The following ATP8B4 variants were observed in gnomAD, a reference collection of about 807,000 sequenced individuals.
The protein encoded by ATP8B4 is probable phospholipid-transporting ATPase IM.
A neutral mutation model predicts 145.6 loss-of-function variants in ATP8B4; 133 were observed. The ratio of observed to expected loss-of-function variants is 0.91; its 90% confidence interval spans 0.79 to 1.05. The LOEUF (loss-of-function observed/expected upper bound fraction) is 1.05. ATP8B4 is among the 50% of genes least tolerant of loss of function. The pLI is 0.00. For synonymous variants in ATP8B4, 507 were observed against 492.9 expected (o/e 1.03, Z -0.38); for missense variants, 1,458 against 1,425.2 (o/e 1.02, Z -0.37).
At chr15:50,150,587 T>C (rs2044335366) in intron 1 of ATP8B4, among the ~76,000 whole-genome samples, 1 of 152,200 alleles carries the variant, frequency 6.6e-6, no homozygotes, top group African/African-American at 2.4e-5. Flanking sequence ...CTGGCCACAT[T>C]TGAGCAACAA....
chr15:50,111,035 G>A (rs1448365520), intron 1 of ATP8B4, among the ~76,000 whole-genome samples: 2 of 152,154 alleles, frequency 1.3e-5, no homozygotes, highest in African/African-American at 4.8e-5. Context: ...GTTGGTTTTA[G>A]ACACCTTGAT....
At chr15:50,169,378 A>G (rs569714074) in intron 1 of ATP8B4, among the ~76,000 whole-genome samples, 1 of 152,344 alleles carries the variant, frequency 6.6e-6, no homozygotes, top group African/African-American at 2.4e-5. Flanking sequence ...AACCACCAGT[A>G]CCAGCCCGGA....
rs150981883 is a variant in ATP8B4, at chr15:50,179,170, T to G, written c.-43+3091A>C. 1.1e-3 allele frequency among the ~76,000 whole-genome samples: 172 copies of G among 152,300 alleles called. 1 individual carries two copies. The highest frequency in any genetic ancestry group is 4.0e-3 in the African/African-American group (165 of 41,550). On this transcript the variant is annotated intron_variant, in intron 1 of 3. Transcript: ENST00000558829. ...TAAGTTTTGGTCCATTTTAAAATAT[T>G]TAATACCTAATAATGTTTGGTTCAT...
intron 20 of ATP8B4, among the ~76,000 whole-genome samples, chr15:49,910,656 G>C (rs975742448): frequency 2.6e-5 from 4 of 152,120 alleles, no homozygotes; most frequent in Non-Finnish European, 4.4e-5. Flanking sequence ...AGACTTATCA[G>C]TAAAAACCTT....
At chr15:49,957,455 C>T (rs1016129284) in intron 14 of ATP8B4, among the ~76,000 whole-genome samples, 1 of 151,670 alleles carries the variant, frequency 6.6e-6, no homozygotes, top group Non-Finnish European at 1.5e-5. Context: ...ATAACAGAAC[C>T]AAGACAAGAT....
chr15:50,121,230 T>G (rs1411671177), upstream of ATP8B4, among the ~76,000 whole-genome samples: 2 of 152,136 alleles, frequency 1.3e-5, no homozygotes, highest in Non-Finnish European at 2.9e-5. Flanking sequence ...TAAGCACTCA[T>G]GAATAATGAA....
intron 2 of ATP8B4, among the ~76,000 whole-genome samples, chr15:50,085,926 ATCATATAT>A (rs2054926329): frequency 9.1e-6 from 1 of 109,678 alleles, no homozygotes; most frequent in African/African-American, 4.0e-5. Flanking sequence ...TATGATATAT[ATCATATAT>A]ATTTATATAT....
intron 6 of ATP8B4, among the ~76,000 whole-genome samples, chr15:50,026,829 A>G (rs2050041432): frequency 6.6e-6 from 1 of 152,184 alleles, no homozygotes; most frequent in Non-Finnish European, 1.5e-5. Context: ...CAAGAGTCTT[A>G]CAATGAGTAG....
chr15:50,174,438 C>G (rs1158286340), intron 1 of ATP8B4, among the ~76,000 whole-genome samples: 1 of 151,838 alleles, frequency 6.6e-6, no homozygotes, highest in African/African-American at 2.4e-5. Flanking sequence ...TAAAAGAATT[C>G]AGCACAGTTT....
intron 8 of ATP8B4, among the ~76,000 whole-genome samples, chr15:49,999,189 G>T (rs1026670618): frequency 4.6e-5 from 7 of 152,062 alleles, no homozygotes; most frequent in Non-Finnish European, 1.0e-4. Context: ...ATACACCATG[G>T]AATACTATGC....
intron 20 of ATP8B4, among the ~76,000 whole-genome samples, chr15:49,908,860 G>A (rs745424391): frequency 3.9e-5 from 6 of 152,020 alleles, no homozygotes; most frequent in Non-Finnish European, 8.8e-5. Context: ...ATTTCCACAT[G>A]CCCTAAGGAT....
At chr15:50,045,769 T>C (rs1471177589) in intron 4 of ATP8B4, among the ~76,000 whole-genome samples, 2 of 152,202 alleles carry the variant, frequency 1.3e-5, no homozygotes, top group Non-Finnish European at 2.9e-5. Flanking sequence ...GAGGTTAGAC[T>C]GAACCATCCC....
chr15:50,158,744 A>G (rs1040533479), intron 1 of ATP8B4, among the ~76,000 whole-genome samples: 1 of 152,238 alleles, frequency 6.6e-6, no homozygotes, highest in African/African-American at 2.4e-5. Context: ...GAGACTTTTC[A>G]TTTTGTTCTG....
chr15:50,091,162 T>C (rs893085142), intron 2 of ATP8B4, among the ~76,000 whole-genome samples: 2 of 152,132 alleles, frequency 1.3e-5, no homozygotes, highest in East Asian at 1.9e-4. Flanking sequence ...TATTGGGAAG[T>C]TCTGTTTGGA....
chr15:50,041,319 A>G (rs1379534207), intron 5 of ATP8B4, among the ~76,000 whole-genome samples: 4 of 152,218 alleles, frequency 2.6e-5, no homozygotes, highest in African/African-American at 7.2e-5. Context: ...AATGTTCTCT[A>G]TCCTTTGAGA....
intron 3 of ATP8B4, among the ~76,000 whole-genome samples, chr15:50,073,780 C>T (rs2054000061): frequency 6.6e-6 from 1 of 152,154 alleles, no homozygotes. Flanking sequence ...TAGCTAACGT[C>T]ACTACATCCA....
At chr15:49,986,561 G>A (rs904041652) in intron 10 of ATP8B4, among the ~76,000 whole-genome samples, 1 of 152,180 alleles carries the variant, frequency 6.6e-6, no homozygotes, top group African/African-American at 2.4e-5. Flanking sequence ...TTCTAGGTTT[G>A]GAACACTTTT....
intron 1 of ATP8B4, among the ~76,000 whole-genome samples, chr15:50,172,838 C>G (rs1379676213): frequency 6.6e-6 from 1 of 151,892 alleles, no homozygotes; most frequent in African/African-American, 2.4e-5. Context: ...CGCCACCACC[C>G]CGTCTGGGAG....
At chr15:50,139,052 A>G (rs1458931997) in intron 1 of ATP8B4, among the ~76,000 whole-genome samples, 1 of 152,230 alleles carries the variant, frequency 6.6e-6, no homozygotes, top group East Asian at 1.9e-4. Context: ...ATCTAGAACC[A>G]GAAATAACAT....
Sources: allele counts gnomAD v4.1 joint callset (sites outside exome capture counted in the v4.1 genomes callset), GRCh38; gene constraint gnomAD v4.1.1; transcripts MANE v1.5; gene names NCBI Gene and HGNC (gene_info 2026-07-23, HGNC 2026-07-21).